The following NXPH1 variants were observed in gnomAD, a reference collection of about 807,000 sequenced individuals.
NXPH1 encodes the protein neurexophilin-1.
In NXPH1, 5 loss-of-function variants were observed where a neutral mutation model predicts 23.7. The observed-to-expected ratio is 0.21, with a 90% CI of 0.11 to 0.44. NXPH1 has a LOEUF of 0.44. NXPH1 is among the 20% of genes least tolerant of loss of function. The pLI, the probability that NXPH1 is intolerant of heterozygous loss-of-function variation, is 0.99. For missense variants in NXPH1, 324 were observed against 321.6 expected, an observed-to-expected ratio of 1.01 and a Z score of -0.06; for synonymous variants, 144 against 122.2, an observed-to-expected ratio of 1.18 and a Z score of -1.18.
At chr7:8,528,183 T>C (rs1817894466) in intron 2 of NXPH1, among the ~76,000 whole-genome samples, 1 of 152,206 alleles carries the variant, frequency 6.6e-6, no homozygotes, top group African/African-American at 2.4e-5. Context: ...CAAAGGCTTA[T>C]CTTGCAAAGC....
intron 2 of NXPH1, among the ~76,000 whole-genome samples, chr7:8,455,872 G>A (rs1468379284): frequency 2.0e-5 from 3 of 152,178 alleles, no homozygotes; most frequent in Admixed American, 6.5e-5. Flanking sequence ...TGAGATGGCA[G>A]GGTTTTCTTC....
intron 2 of NXPH1, among the ~76,000 whole-genome samples, chr7:8,683,936 TCTA>T (rs1821098894): frequency 6.6e-6 from 1 of 152,202 alleles, no homozygotes; most frequent in South Asian, 2.1e-4. Flanking sequence ...AGACCTTATT[TCTA>T]CTATGAGTCT....
At chr7:8,684,035 TAG>T (rs1410004379) in intron 2 of NXPH1, among the ~76,000 whole-genome samples, 10 of 151,986 alleles carry the variant, frequency 6.6e-5, no homozygotes, top group Admixed American at 1.3e-4. Context: ...GCACTTCAGG[TAG>T]AGAGAGATGA....
chr7:8,506,007 T>A (rs1817516562), intron 2 of NXPH1, among the ~76,000 whole-genome samples: 2 of 152,082 alleles, frequency 1.3e-5, no homozygotes. Context: ...GAAAAAACAA[T>A]AAATTAGTCT....
rs75788848 is a variant in NXPH1, at chr7:8,513,079, A to G, written c.54+77312A>G. Among the ~76,000 whole-genome samples, 6 of 152,194 alleles carry G rather than the reference A, an allele frequency of 3.9e-5. No homozygotes were observed. In the East Asian group the frequency reaches 1.2e-3, roughly 30 times the overall value. ...GTCAATATGAGAATTACTAAAATAGAAATATGCATGTGGAAGACATCATAG... is the reference window on the plus strand; with the variant it reads ...GTCAATATGAGAATTACTAAAATAGGAATATGCATGTGGAAGACATCATAG... On this transcript the variant is annotated intron_variant, in intron 2 of 2. Coordinates refer to ENST00000405863, the MANE Select transcript of NXPH1 (RefSeq NM_152745.3).
chr7:8,624,846 G>A (rs1238120681), intron 2 of NXPH1, among the ~76,000 whole-genome samples: 3 of 152,148 alleles, frequency 2.0e-5, no homozygotes, highest in Non-Finnish European at 4.4e-5. Flanking sequence ...AAGCTGAGTA[G>A]TAGAGGGCTC....
intron 2 of NXPH1, among the ~76,000 whole-genome samples, chr7:8,445,043 T>C (rs1009711504): frequency 6.6e-6 from 1 of 152,210 alleles, no homozygotes; most frequent in African/African-American, 2.4e-5. Flanking sequence ...ACCCTCTTCA[T>C]TTTTAGAGGC....
intron 2 of NXPH1, among the ~76,000 whole-genome samples, chr7:8,606,973 G>T (rs1819507129): frequency 6.6e-6 from 1 of 152,002 alleles, no homozygotes; most frequent in South Asian, 2.1e-4. Flanking sequence ...CTGATGTTTT[G>T]TGAATATAAC....
intron 2 of NXPH1, among the ~76,000 whole-genome samples, chr7:8,480,221 C>T (rs186064132): frequency 2.4e-4 from 36 of 152,098 alleles, no homozygotes; most frequent in Non-Finnish European, 4.0e-4. Flanking sequence ...CATATATTTT[C>T]TGTGTGGTTT....
At chr7:8,727,624 G>C (rs964346579) in intron 2 of NXPH1, among the ~76,000 whole-genome samples, 3 of 152,128 alleles carry the variant, frequency 2.0e-5, no homozygotes, top group Non-Finnish European at 4.4e-5. Flanking sequence ...TGTTTCTCAG[G>C]TTTGTCAAAG....
rs566710088 is a variant in NXPH1 at position 8,523,717 on chromosome 7, G to A, written c.54+87950G>A. Reference sequence around the variant, plus strand: ...CATACAACAAACATTTGTTCCATGAGTGAATGAGTAAATGAACAGCTGAGT... The same window carrying A: ...CATACAACAAACATTTGTTCCATGAATGAATGAGTAAATGAACAGCTGAGT... On this transcript the variant is annotated intron_variant, in intron 2 of 2. Coordinates refer to ENST00000405863, the MANE Select transcript of NXPH1 (RefSeq NM_152745.3). 2.6e-5 allele frequency among the ~76,000 whole-genome samples: 4 copies of A among 152,296 alleles called. 1 individual carries two copies. Among genetic ancestry groups the A allele is most frequent in the Admixed American group, 6.5e-5 (1 of 15,296 alleles).
At chr7:8,470,061 A>G (rs1816848447) in intron 2 of NXPH1, among the ~76,000 whole-genome samples, 1 of 152,190 alleles carries the variant, frequency 6.6e-6, no homozygotes, top group Admixed American at 6.5e-5. Context: ...TTGTGTATGT[A>G]GTTGACATGC....
intron 2 of NXPH1, among the ~76,000 whole-genome samples, chr7:8,645,023 C>A (rs1457519675): frequency 6.6e-6 from 1 of 152,150 alleles, no homozygotes; most frequent in East Asian, 1.9e-4. Flanking sequence ...ATTTATTGGT[C>A]ACTTTTGCAG....
intron 2 of NXPH1, among the ~76,000 whole-genome samples, chr7:8,699,382 C>T (rs1779584509): frequency 6.6e-6 from 1 of 151,846 alleles, no homozygotes; most frequent in Non-Finnish European, 1.5e-5. Context: ...TCTGATTTTC[C>T]CTTTGCAAAT....
intron 2 of NXPH1, among the ~76,000 whole-genome samples, chr7:8,714,266 A>C (rs902200382): frequency 1.3e-5 from 2 of 151,954 alleles, no homozygotes; most frequent in African/African-American, 4.8e-5. Flanking sequence ...GTATTCACTT[A>C]AGGCCCAAGG....
chr7:8,608,670 C>CT (rs1190045024), intron 2 of NXPH1, among the ~76,000 whole-genome samples: 2 of 151,912 alleles, frequency 1.3e-5, no homozygotes, highest in African/African-American at 2.4e-5. Flanking sequence ...AAAACATTGA[C>CT]TTTTTTGTGC....
At chr7:8,679,744 T>C (rs1048870789) in intron 2 of NXPH1, among the ~76,000 whole-genome samples, 2 of 152,246 alleles carry the variant, frequency 1.3e-5, no homozygotes, top group Non-Finnish European at 2.9e-5. Flanking sequence ...TAAGCTAGGC[T>C]GGGCGCAGTG....
chr7:8,612,168 A>T (rs1487464608), intron 2 of NXPH1, among the ~76,000 whole-genome samples: 15 of 137,772 alleles, frequency 1.1e-4, no homozygotes, highest in Non-Finnish European at 1.3e-4. Flanking sequence ...TCTTTCTGTC[A>T]TTTCTCCCTC....
At chr7:8,738,146 A>T (rs1474949938) in intron 2 of NXPH1, among the ~76,000 whole-genome samples, 3 of 152,154 alleles carry the variant, frequency 2.0e-5, no homozygotes, top group Admixed American at 2.0e-4. Context: ...CCATTCGTCA[A>T]ACTCATTCTC....
Sources: allele counts gnomAD v4.1 joint callset (sites outside exome capture counted in the v4.1 genomes callset), GRCh38; gene constraint gnomAD v4.1.1; transcripts MANE v1.5; gene names NCBI Gene and HGNC (gene_info 2026-07-23, HGNC 2026-07-21).